Variants in TENM3 observed in about 807,000 individuals in gnomAD.
TENM3 encodes the protein teneurin-3.
A neutral mutation model predicts 255.1 loss-of-function variants in TENM3; 63 were observed. The observed-to-expected ratio is 0.25, with a 90% CI of 0.20 to 0.30. The LOEUF (loss-of-function observed/expected upper bound fraction) is 0.30, where lower values mean the gene tolerates loss of function less well. TENM3 is among the 10% of genes least tolerant of loss of function. The pLI, the probability that TENM3 is intolerant of heterozygous loss-of-function variation, is 1.00. For synonymous variants in TENM3, 1,306 were observed against 1,322.3 expected (o/e 0.99, Z 0.27); for missense variants, 2,929 against 3,461.1 (o/e 0.85, Z 3.86).
At chr4:182,460,168 A>G (rs1413169256) in intron 3 of TENM3, among the ~76,000 whole-genome samples, 2 of 152,194 alleles carry the variant, frequency 1.3e-5, no homozygotes, top group African/African-American at 4.8e-5. Flanking sequence ...TTCTGATAAA[A>G]CAATAGATCA....
the TENM3 span, among the ~76,000 whole-genome samples, chr4:181,476,318 A>G: frequency 6.6e-6 from 1 of 151,930 alleles, no homozygotes; most frequent in African/African-American, 2.4e-5. Context: ...CTCCGAATGC[A>G]GCAACAACTC....
intron 3 of TENM3, among the ~76,000 whole-genome samples, chr4:182,473,378 T>A (rs1314552965): frequency 6.6e-6 from 1 of 152,178 alleles, no homozygotes; most frequent in East Asian, 1.9e-4. Flanking sequence ...AAAAAATTAT[T>A]GTTTATAAAA....
At chr4:182,359,828 G>C (rs1428744854) in intron 3 of TENM3, among the ~76,000 whole-genome samples, 1 of 151,590 alleles carries the variant, frequency 6.6e-6, no homozygotes, top group East Asian at 1.9e-4. Flanking sequence ...GTCGATTTTG[G>C]ATCTTTCCTG....
At chr4:181,938,200 T>C in the TENM3 span, among the ~76,000 whole-genome samples, 1 of 152,212 alleles carries the variant, frequency 6.6e-6, no homozygotes, top group Non-Finnish European at 1.5e-5. Flanking sequence ...GAGCCTTAGC[T>C]GTCATGTTAT....
At chr4:182,522,057 T>C (rs554705680) in intron 3 of TENM3, among the ~76,000 whole-genome samples, 1 of 152,352 alleles carries the variant, frequency 6.6e-6, no homozygotes, top group African/African-American at 2.4e-5. Flanking sequence ...AAACATTTTT[T>C]ATTGATAGAG....
intron 5 of TENM3, among the ~76,000 whole-genome samples, chr4:182,645,546 A>C (rs1036984775): frequency 6.6e-6 from 1 of 152,264 alleles, no homozygotes; most frequent in South Asian, 2.1e-4. Context: ...ACTGGGCCCA[A>C]CTTAGCTGGG....
the TENM3 span, among the ~76,000 whole-genome samples, chr4:181,996,537 G>A: frequency 6.6e-6 from 1 of 152,218 alleles, no homozygotes; most frequent in Admixed American, 6.5e-5. Flanking sequence ...AGGAACCAGG[G>A]AGAGGAGCAC....
the TENM3 span, among the ~76,000 whole-genome samples, chr4:181,577,159 A>C: frequency 7.4e-6 from 1 of 134,590 alleles, no homozygotes; most frequent in African/African-American, 2.8e-5. Flanking sequence ...ATATATATAT[A>C]AATAATATAT....
At chr4:182,480,101 T>C (rs1315653448) in intron 3 of TENM3, among the ~76,000 whole-genome samples, 1 of 152,062 alleles carries the variant, frequency 6.6e-6, no homozygotes, top group Non-Finnish European at 1.5e-5. Flanking sequence ...GTATTCTGTT[T>C]TGAGAATTAC....
At chr4:181,972,653 C>G in the TENM3 span, among the ~76,000 whole-genome samples, 1 of 152,106 alleles carries the variant, frequency 6.6e-6, no homozygotes, top group Non-Finnish European at 1.5e-5. Context: ...GTGGAGACAA[C>G]ATGACCTGGG....
chr4:182,755,299 T>C (rs1454092429), intron 22 of TENM3, 40 bp downstream of exon 22: 1 of 1,416,122 alleles, frequency 7.1e-7, no homozygotes, highest in East Asian at 2.4e-5. Flanking sequence ...TAAAATACTG[T>C]GATATAATAA....
the TENM3 span, among the ~76,000 whole-genome samples, chr4:181,731,618 A>T: frequency 6.6e-6 from 1 of 152,102 alleles, no homozygotes. Context: ...CTCCCAATCA[A>T]CAAGTATTTA....
At chr4:182,129,843 C>G in the TENM3 span, among the ~76,000 whole-genome samples, 1 of 152,054 alleles carries the variant, frequency 6.6e-6, no homozygotes, top group Non-Finnish European at 1.5e-5. Context: ...AGACAATTAG[C>G]TTAAAACTAT....
At chr4:181,516,768 C>G in the TENM3 span, among the ~76,000 whole-genome samples, 1 of 138,214 alleles carries the variant, frequency 7.2e-6, no homozygotes, top group Non-Finnish European at 1.7e-5. Context: ...AAGGGCGAAA[C>G]TCCATCTCCA....
the TENM3 span, among the ~76,000 whole-genome samples, chr4:181,951,910 G>A: frequency 9.2e-5 from 14 of 152,278 alleles, no homozygotes; most frequent in Middle Eastern, 3.4e-3. Flanking sequence ...AGTGGAAATT[G>A]TTCTTTATAT....
the TENM3 span, among the ~76,000 whole-genome samples, chr4:181,623,174 C>T: frequency 2.0e-5 from 3 of 152,122 alleles, no homozygotes; most frequent in Admixed American, 2.0e-4. Context: ...GACCTGGGCT[C>T]GAATGGCAGT....
chr4:182,565,439 C>A (rs1743675688), intron 3 of TENM3, among the ~76,000 whole-genome samples: 1 of 152,134 alleles, frequency 6.6e-6, no homozygotes, highest in Non-Finnish European at 1.5e-5. Context: ...AATTATGGTT[C>A]AGAAGCAGCT....
intron 3 of TENM3, among the ~76,000 whole-genome samples, chr4:182,420,571 C>T (rs1475866188): frequency 6.6e-6 from 1 of 152,150 alleles, no homozygotes; most frequent in Non-Finnish European, 1.5e-5. Context: ...TACAATTTTT[C>T]CACTGTAATA....
the TENM3 span, among the ~76,000 whole-genome samples, chr4:182,051,380 T>C: frequency 1.2e-4 from 2 of 16,748 alleles, no homozygotes; most frequent in South Asian, 0.015. Context: ...TTTCCTCTCT[T>C]TTTTTTTTTT....
Sources: allele counts gnomAD v4.1 joint callset (sites outside exome capture counted in the v4.1 genomes callset), GRCh38; gene constraint gnomAD v4.1.1; transcripts MANE v1.5; gene names NCBI Gene and HGNC (gene_info 2026-07-23, HGNC 2026-07-21).